OR52I2: variants seen among roughly 807,000 people sequenced by gnomAD.
OR52I2 encodes olfactory receptor family 52 subfamily I member 2, also known as olfactory receptor 52I2.
For missense variants in OR52I2, 350 were observed against 402.4 expected (o/e 0.87, Z 1.11); for synonymous variants, 147 against 151.9 (o/e 0.97, Z 0.24).
intron 1 of OR52I2, among the ~76,000 whole-genome samples, chr11:4,582,731 G>A (rs371726301): frequency 6.6e-6 from 1 of 152,056 alleles, no homozygotes; most frequent in East Asian, 1.9e-4. Flanking sequence ...ACCATGTCCG[G>A]TCGAACTTTT....
exon 2 of OR52I2, chr11:4,591,102 CA>C (rs1462951700): frequency 6.6e-6 from 1 of 152,124 alleles, no homozygotes; most frequent in Non-Finnish European, 1.5e-5. Flanking sequence ...ACTGAAGGAG[CA>C]AATGTATGTC....
chr11:4,587,386 A>T, exon 2 of OR52I2: 1 of 1,613,728 alleles, frequency 6.2e-7, no homozygotes. Flanking sequence ...ACTGAGTTGG[A>T]TGGTGAGTCA....
At chr11:4,588,319 C>G (rs1846324955) in exon 2 of OR52I2, 1 of 164,514 alleles carries the variant, frequency 6.1e-6, no homozygotes, top group African/African-American at 2.4e-5. Context: ...AAATAGTTAT[C>G]TACCCTTCGC....
At chr11:4,585,122 G>A (rs369558884) in intron 1 of OR52I2, among the ~76,000 whole-genome samples, 12 of 152,122 alleles carry the variant, frequency 7.9e-5, no homozygotes, top group African/African-American at 2.2e-4. Flanking sequence ...AAGGCAAAGC[G>A]GCTAGCAAGT....
exon 2 of OR52I2, chr11:4,588,850 C>G (rs1268745088): frequency 6.6e-6 from 1 of 152,192 alleles, no homozygotes; most frequent in African/African-American, 2.4e-5. Flanking sequence ...TGAGCCTCAG[C>G]TTTCATCTAT....
exon 2 of OR52I2, chr11:4,592,881 AC>A (rs1846362380): frequency 6.6e-6 from 1 of 152,024 alleles, no homozygotes; most frequent in African/African-American, 2.4e-5. Flanking sequence ...GCCAAGTGAA[AC>A]CCCTAACCTT....
chr11:4,586,901 C>A (rs375883595), exon 2 of OR52I2: 17 of 1,614,070 alleles, frequency 1.1e-5, no homozygotes, highest in Non-Finnish European at 1.4e-5. Flanking sequence ...ATGCTGGGTC[C>A]AGCTTATAAC....
chr11:4,585,143 A>AT (rs1432093496), intron 1 of OR52I2, among the ~76,000 whole-genome samples: 38 of 152,310 alleles, frequency 2.5e-4, no homozygotes, highest in African/African-American at 9.1e-4. Flanking sequence ...GATAGAGTGG[A>AT]TTTTTAAGTC....
exon 2 of OR52I2, chr11:4,590,432 T>C (rs1846342372): frequency 6.6e-6 from 1 of 152,202 alleles, no homozygotes; most frequent in African/African-American, 2.4e-5. Context: ...CCGAGTGTCC[T>C]GTTCTTTGCA....
rs1038785236 is a variant in OR52I2, at chr11:4,584,631, T to C, written c.-19-2241T>C. On this transcript the variant is annotated intron_variant, in intron 1 of 1. Transcript: ENST00000641896. ...TAGGCAAAAGTAAGGGAGACGGTTG[T>C]CACAGGTATGATGAAGAAACAAAAA... Among the ~76,000 whole-genome samples, 6 of 152,228 alleles carry C rather than the reference T, an allele frequency of 3.9e-5. No homozygotes were observed. The East Asian group carries it at 9.6e-4, about 24-fold the overall frequency.
exon 2 of OR52I2, chr11:4,587,526 C>A: frequency 6.2e-7 from 1 of 1,614,172 alleles, no homozygotes; most frequent in Non-Finnish European, 8.5e-7. Flanking sequence ...TTATGGTGGG[C>A]TCTGATGTGG....
At chr11:4,589,503 A>AATAG (rs369905358) in exon 2 of OR52I2, 75 of 152,282 alleles carry the variant, frequency 4.9e-4, no homozygotes, top group African/African-American at 1.7e-3. Flanking sequence ...ATCACCCCAG[A>AATAG]ATAGAAAATA....
exon 2 of OR52I2, chr11:4,587,575 G>T: frequency 1.2e-6 from 2 of 1,614,086 alleles, no homozygotes; most frequent in Non-Finnish European, 1.7e-6. Context: ...TCTCAAGGCA[G>T]TATTTGGTCT....
exon 2 of OR52I2, chr11:4,587,858 G>A (rs1846320659): frequency 6.2e-7 from 1 of 1,613,120 alleles, no homozygotes; most frequent in Non-Finnish European, 8.5e-7. Flanking sequence ...TCCAACCTGG[G>A]TTCATGAACA....
intron 1 of OR52I2, among the ~76,000 whole-genome samples, chr11:4,582,434 ATT>A (rs386372959): frequency 0.012 from 1,164 of 96,346 alleles, 2 homozygotes; most frequent in African/African-American, 0.037. Flanking sequence ...TTTATTTTTC[ATT>A]TTTTTTTTTT....
intron 1 of OR52I2, among the ~76,000 whole-genome samples, chr11:4,582,405 CTT>C (rs1336747584): frequency 7.4e-6 from 1 of 136,026 alleles, no homozygotes; most frequent in East Asian, 2.1e-4. Context: ...CATTAAGAAA[CTT>C]TTTATTTTTA....
At chr11:4,587,456 C>T (rs926603084) in exon 2 of OR52I2, 12 of 1,614,206 alleles carry the variant, frequency 7.4e-6, no homozygotes, top group Non-Finnish European at 1.0e-5. Context: ...ATAGCTTTGG[C>T]CAGGTTAGCA....
chr11:4,589,932 G>C (rs1846338634), exon 2 of OR52I2: 1 of 152,176 alleles, frequency 6.6e-6, no homozygotes, highest in African/African-American at 2.4e-5. Context: ...TGAATCATGA[G>C]TTGTTGAAAT....
chr11:4,586,797 GTT>G, intron 1 of OR52I2, 73 bp from the exon 2 acceptor site: 1 of 1,605,940 alleles, frequency 6.2e-7, no homozygotes, highest in Non-Finnish European at 8.5e-7. Flanking sequence ...ATATCCTTAG[GTT>G]TTCCCAGCAC....
Sources: gnomAD v4.1 joint callset for allele counts (sites outside exome capture counted in the v4.1 genomes callset) on GRCh38, gnomAD v4.1.1 for gene constraint, MANE v1.5 for transcripts, NCBI Gene and HGNC (gene_info 2026-07-23, HGNC 2026-07-21) for gene names.